The following SRGAP1 variants were observed in gnomAD, a reference collection of about 807,000 sequenced individuals.
SRGAP1 encodes SLIT-ROBO Rho GTPase-activating protein 1.
In SRGAP1, 43 loss-of-function variants were observed where a neutral mutation model predicts 121.9. That is an observed-to-expected ratio of 0.35 (90% confidence interval 0.28 to 0.46). SRGAP1 has a LOEUF of 0.46. Ranked by LOEUF, SRGAP1 falls within the 20% of genes least tolerant of loss-of-function variation. The pLI is 1.00. For synonymous variants in SRGAP1, 447 were observed against 485.4 expected (o/e 0.92, Z 1.04); for missense variants, 1,102 against 1,350.9 (o/e 0.82, Z 2.89).
At chr12:64,133,643 T>C (rs1017952388) in intron 21 of SRGAP1, among the ~76,000 whole-genome samples, 11 of 152,286 alleles carry the variant, frequency 7.2e-5, no homozygotes, top group East Asian at 5.8e-4. Flanking sequence ...TTGTCAGTAA[T>C]ATAGCGGGGT....
chr12:63,984,319 C>T (rs1292406064), intron 2 of SRGAP1, among the ~76,000 whole-genome samples, 177 bp downstream of exon 2: 1 of 152,118 alleles, frequency 6.6e-6, no homozygotes, highest in South Asian at 2.1e-4. Context: ...TCATTTTAAA[C>T]TAGTGTAATC....
At chr12:64,044,806 G>A (rs905571207) in intron 6 of SRGAP1, among the ~76,000 whole-genome samples, 4 of 149,706 alleles carry the variant, frequency 2.7e-5, no homozygotes, top group South Asian at 4.2e-4. Flanking sequence ...TCAGCTTCCC[G>A]AGTATCTGGG....
intron 1 of SRGAP1, among the ~76,000 whole-genome samples, chr12:63,957,542 A>T (rs2032508872): frequency 1.3e-5 from 2 of 152,182 alleles, no homozygotes; most frequent in Admixed American, 1.3e-4. Context: ...TTCCTGTCTA[A>T]GATGCTCTAG....
intron 1 of SRGAP1, among the ~76,000 whole-genome samples, chr12:63,960,520 C>T (rs1207592139): frequency 6.6e-6 from 1 of 152,124 alleles, no homozygotes; most frequent in East Asian, 1.9e-4. Context: ...TTCTCTGGCT[C>T]TCTCTTGCTT....
intron 1 of SRGAP1, among the ~76,000 whole-genome samples, chr12:63,883,626 G>T (rs903812303): frequency 6.6e-6 from 1 of 151,540 alleles, no homozygotes; most frequent in Non-Finnish European, 1.5e-5. Flanking sequence ...CCTCTATTTT[G>T]ACATTTCCTT....
chr12:63,907,506 C>A (rs2030272007), intron 1 of SRGAP1, among the ~76,000 whole-genome samples: 2 of 151,676 alleles, frequency 1.3e-5, no homozygotes, highest in African/African-American at 4.8e-5. Flanking sequence ...CCATTGCACA[C>A]CAGCCTGGGC....
In SRGAP1 at chr12:64,160,541, A is replaced by AT. The variant is rs1396314820; in HGVS notation, c.*17870dup. 1.3e-5 allele frequency: 2 copies of AT among 152,202 alleles called. No homozygotes were observed. The highest frequency in any genetic ancestry group is 4.8e-5 in the African/African-American group (2 of 41,446). 9.4% of individuals were successfully genotyped at this position (152,202 alleles called of 1,614,324 possible). ...TAGATTTCTCAATCAAAAGGCAAATATATCTCATATGTCGGAAGATTAATG... is the reference window on the plus strand; with the variant it reads ...TAGATTTCTCAATCAAAAGGCAAATATTATCTCATATGTCGGAAGATTAATG... On this transcript the variant is annotated 3_prime_UTR_variant, in exon 22 of 22. Coordinates refer to ENST00000355086, the MANE Select transcript of SRGAP1 (RefSeq NM_020762.4).
At chr12:63,859,038 G>A (rs1592889063) in intron 1 of SRGAP1, among the ~76,000 whole-genome samples, 1 of 152,070 alleles carries the variant, frequency 6.6e-6, no homozygotes, top group Non-Finnish European at 1.5e-5. Context: ...TATTCATTCT[G>A]TATAAGATTT....
intron 21 of SRGAP1, among the ~76,000 whole-genome samples, chr12:64,136,467 T>A (rs2036857981): frequency 6.6e-6 from 1 of 152,190 alleles, no homozygotes; most frequent in Non-Finnish European, 1.5e-5. Context: ...TCACTGAAGT[T>A]TAAAAACTAA....
chr12:64,088,161 C>T (rs1023494644), intron 11 of SRGAP1, among the ~76,000 whole-genome samples: 1 of 152,136 alleles, frequency 6.6e-6, no homozygotes, highest in Non-Finnish European at 1.5e-5. Flanking sequence ...AAGGAAGCCC[C>T]TCGTACTTCA....
intron 3 of SRGAP1, among the ~76,000 whole-genome samples, chr12:64,011,552 C>G (rs1177106894): frequency 1.3e-5 from 2 of 151,956 alleles, no homozygotes; most frequent in African/African-American, 4.8e-5. Flanking sequence ...TGCCTTTTGA[C>G]CAGCATTTAT....
intron 3 of SRGAP1, among the ~76,000 whole-genome samples, chr12:64,000,866 G>A (rs1209641118): frequency 6.6e-6 from 1 of 152,176 alleles, no homozygotes; most frequent in Admixed American, 6.5e-5. Context: ...TCATAAGCAA[G>A]AGGAGAAGAA....
chr12:64,044,731 T>C, intron 6 of SRGAP1, among the ~76,000 whole-genome samples: 1 of 144,736 alleles, frequency 6.9e-6, no homozygotes, highest in South Asian at 2.3e-4. Flanking sequence ...ACCCAGGCTT[T>C]AGTGCACTGG....
chr12:64,098,038 A>T (rs2036191346), intron 15 of SRGAP1, among the ~76,000 whole-genome samples: 1 of 152,172 alleles, frequency 6.6e-6, no homozygotes. Flanking sequence ...ATGCATCTAA[A>T]AATACAGTGT....
At chr12:63,929,176 G>C (rs547569098) in intron 1 of SRGAP1, among the ~76,000 whole-genome samples, 1 of 152,190 alleles carries the variant, frequency 6.6e-6, no homozygotes, top group Non-Finnish European at 1.5e-5. Context: ...ACCTCTGGGA[G>C]AATCAGGCTA....
chr12:64,024,851 A>C (rs1466097117), intron 4 of SRGAP1, among the ~76,000 whole-genome samples: 1 of 152,124 alleles, frequency 6.6e-6, no homozygotes, highest in Non-Finnish European at 1.5e-5. Flanking sequence ...CTGAGAACTC[A>C]CTCACTATCA....
intron 1 of SRGAP1, among the ~76,000 whole-genome samples, chr12:63,936,868 T>C (rs2031678583): frequency 6.6e-6 from 1 of 152,170 alleles, no homozygotes; most frequent in South Asian, 2.1e-4. Context: ...ATACTGATGA[T>C]GAAACTGAAG....
intron 18 of SRGAP1, among the ~76,000 whole-genome samples, chr12:64,120,144 C>A (rs1038553290): frequency 1.3e-5 from 2 of 152,062 alleles, no homozygotes; most frequent in East Asian, 3.8e-4. Flanking sequence ...TTTTTATAGT[C>A]TCTGGCTATT....
At chr12:64,109,450 G>A (rs946346911) in intron 16 of SRGAP1, among the ~76,000 whole-genome samples, 5 of 152,146 alleles carry the variant, frequency 3.3e-5, no homozygotes, top group African/African-American at 1.2e-4. Context: ...ATAGATGGGA[G>A]CTGTACACAG....
Sources: allele counts gnomAD v4.1 joint callset (sites outside exome capture counted in the v4.1 genomes callset), GRCh38; gene constraint gnomAD v4.1.1; transcripts MANE v1.5; gene names NCBI Gene and HGNC (gene_info 2026-07-23, HGNC 2026-07-21).